BTLA: variants seen among roughly 807,000 people sequenced by gnomAD.
BTLA encodes B- and T-lymphocyte attenuator.
BTLA carries 11 observed loss-of-function variants against 25.0 expected under a neutral mutation model. The observed-to-expected ratio is 0.44, with a 90% confidence interval of 0.28 to 0.73. The LOEUF (loss-of-function observed/expected upper bound fraction) is 0.73, where lower values mean the gene tolerates loss of function less well. Ranked by LOEUF, BTLA falls within the 30% of genes least tolerant of loss-of-function variation. BTLA has a pLI of 0.15. For synonymous variants in BTLA, 104 were observed against 119.8 expected (o/e 0.87, Z 0.86); for missense variants, 282 against 332.8 (o/e 0.85, Z 1.19).
At chr3:112,469,132 C>T (rs948395135) in intron 4 of BTLA, among the ~76,000 whole-genome samples, 2 of 152,102 alleles carry the variant, frequency 1.3e-5, no homozygotes, top group Non-Finnish European at 2.9e-5. Flanking sequence ...CCACAACATT[C>T]AACTCAAAAG....
intron 1 of BTLA, among the ~76,000 whole-genome samples, chr3:112,487,644 G>C (rs16859654): frequency 0.03 from 4,531 of 152,032 alleles, 200 homozygotes; most frequent in African/African-American, 0.1. Context: ...AGACAATGGA[G>C]CCACTTGTTC....
chr3:112,470,198 C>T (rs2082254793), intron 3 of BTLA: 1 of 155,038 alleles, frequency 6.5e-6, no homozygotes, highest in Admixed American at 6.5e-5. Flanking sequence ...ATCCCTGACT[C>T]CTTTTCTGAA....
At chr3:112,469,625 A>AG in intron 4 of BTLA, 133 bp downstream of exon 4, 5 of 20,458 alleles carry the variant, frequency 2.4e-4, no homozygotes, top group East Asian at 1.7e-3. Context: ...ATATATATAT[A>AG]TATATATATA....
rs1033450737 is a variant in BTLA at position 112,466,226 on chromosome 3, T to C, written c.752A>G (p.Asn251Ser). 1.3e-5 allele frequency: 21 copies of C among 1,613,974 alleles called. No homozygotes were observed. Among genetic ancestry groups the C allele is most frequent in the Non-Finnish European group, 1.8e-5 (21 of 1,179,982 alleles). Residue 251 changes from asparagine (N) to serine (S), a missense_variant, in exon 5 of 5, where the codon AAC becomes AGC. By Grantham distance (46) the Asn-to-Ser change is conservative (BLOSUM62 1). This residue lies in a region of BTLA where 119 missense variants were observed against 102.3 expected (regional missense o/e 1.16). Transcript: ENST00000334529. ...EVYSNPCLEE[N>S]KPGIVYASLN... is the part of the protein sequence containing the mutation. ...GGAAGCATAAACAATGCCTGGTTTG[T>C]TTTCTTCCAGGCATGGATTAGAATA...
chr3:112,487,573 G>A (rs1055282346), intron 1 of BTLA, among the ~76,000 whole-genome samples: 8 of 147,766 alleles, frequency 5.4e-5, no homozygotes, highest in African/African-American at 2.1e-4. Flanking sequence ...CAACAAGAGC[G>A]AAAATCTGTG....
At chr3:112,483,785 T>C (rs1472104967) in intron 1 of BTLA, among the ~76,000 whole-genome samples, 1 of 151,876 alleles carries the variant, frequency 6.6e-6, no homozygotes, top group Non-Finnish European at 1.5e-5. Flanking sequence ...CTGACCAACA[T>C]GGTGAAACAC....
intron 4 of BTLA, among the ~76,000 whole-genome samples, chr3:112,468,718 T>A (rs1185953329): frequency 6.6e-6 from 1 of 152,176 alleles, no homozygotes; most frequent in Non-Finnish European, 1.5e-5. Flanking sequence ...ATTTTTATTA[T>A]TATTTACTAT....
At position 112,471,095 on chromosome 3, in the gene BTLA, C is replaced by G. The variant is rs2082259597; in HGVS notation, c.547+117G>C. 4.7e-6 allele frequency: 6 copies of G among 1,270,366 alleles called. No homozygotes were observed. The South Asian group carries it at 1.0e-4, about 21-fold the overall frequency. 78.7% of individuals were successfully genotyped at this position (1,270,366 alleles called of 1,614,324 possible). A position where few individuals can be genotyped will look rare whatever the true frequency, so the allele number is the denominator to read the frequency against. On this transcript the variant is annotated intron_variant, in intron 3 of 4. Coordinates refer to ENST00000334529, the MANE Select transcript of BTLA (RefSeq NM_181780.4). ...AGTTGTCTTCTAGGAAATCATTATCCATGGTTTACAGGATTGGGAAAGAAA... is the reference window on the plus strand; with the variant it reads ...AGTTGTCTTCTAGGAAATCATTATCGATGGTTTACAGGATTGGGAAAGAAA...
intron 1 of BTLA, among the ~76,000 whole-genome samples, chr3:112,498,997 A>G (rs2082426450): frequency 6.6e-6 from 1 of 152,212 alleles, no homozygotes; most frequent in African/African-American, 2.4e-5. Flanking sequence ...ACTATTTATA[A>G]CATCTACTCA....
At chr3:112,466,950 A>C (rs1375344353) in intron 4 of BTLA, among the ~76,000 whole-genome samples, 1 of 84,550 alleles carries the variant, frequency 1.2e-5, no homozygotes, top group Non-Finnish European at 2.6e-5. Context: ...TATCAAAAGA[A>C]AATTCTTCTT....
rs1442038961 is a variant in BTLA at position 112,464,159 on chromosome 3, G to A, written c.*1949C>T. The A allele has an allele frequency of 5.0e-6, 2 of 397,784 alleles. No homozygotes were observed. Among genetic ancestry groups the A allele is most frequent in the Admixed American group, 8.8e-5 (2 of 22,676 alleles). 24.6% of individuals were successfully genotyped at this position (397,784 alleles called of 1,614,324 possible). On this transcript the variant is annotated 3_prime_UTR_variant, in exon 5 of 5. Coordinates refer to ENST00000334529, the MANE Select transcript of BTLA (RefSeq NM_181780.4). Reference sequence around the variant, plus strand: ...GCATGTATGTCTCTGACACCATTTTGAAAAGGAATAAAAACATAAATGATT... The same window carrying A: ...GCATGTATGTCTCTGACACCATTTTAAAAAGGAATAAAAACATAAATGATT...
At chr3:112,480,524 G>A (rs908496388) in intron 1 of BTLA, among the ~76,000 whole-genome samples, 3 of 152,208 alleles carry the variant, frequency 2.0e-5, no homozygotes, top group African/African-American at 7.2e-5. Context: ...CAAGAGCATG[G>A]TGCCAGCATC....
rs1576674731 is a variant in BTLA at position 112,466,086 on chromosome 3, C to T, written c.*22G>A. On this transcript the variant is annotated 3_prime_UTR_variant, in exon 5 of 5. Transcript: ENST00000334529. Reference sequence around the variant, plus strand: ...TCAACATGCTGATCATTCAATGGTCCCTGTTGGAGTCAGAAACAGACTTAA... The same window carrying T: ...TCAACATGCTGATCATTCAATGGTCTCTGTTGGAGTCAGAAACAGACTTAA... 1 of 1,546,350 alleles carries T rather than the reference C, an allele frequency of 6.5e-7. No individual in the cohort carries two copies. The highest frequency in any genetic ancestry group is 1.8e-5 in the Admixed American group (1 of 54,790).
intron 1 of BTLA, among the ~76,000 whole-genome samples, chr3:112,492,900 A>G (rs910047292): frequency 4.6e-5 from 7 of 152,180 alleles, no homozygotes; most frequent in African/African-American, 1.7e-4. Context: ...AAAAGAAATT[A>G]AAGAGCTCTG....
At chr3:112,471,456 A>T (rs1196231028) in intron 2 of BTLA, 101 bp from the exon 3 acceptor site, 2 of 1,270,522 alleles carry the variant, frequency 1.6e-6, no homozygotes, top group Non-Finnish European at 2.2e-6. Flanking sequence ...AGGAGATTTC[A>T]GGCCAATGCC....
chr3:112,472,092 G>A (rs745876630), intron 2 of BTLA, among the ~76,000 whole-genome samples: 1 of 152,194 alleles, frequency 6.6e-6, no homozygotes, highest in Non-Finnish European at 1.5e-5. Context: ...GGGAACATGT[G>A]TGGCAATGTC....
intron 1 of BTLA, among the ~76,000 whole-genome samples, chr3:112,493,646 C>T (rs531936501): frequency 3.3e-4 from 50 of 152,280 alleles, no homozygotes; most frequent in Middle Eastern, 6.8e-3. Context: ...GTCTTACAGG[C>T]GTGTCCCACC....
chr3:112,469,887 T>C, intron 3 of BTLA, 83 bp from the exon 4 acceptor site: 1 of 1,097,674 alleles, frequency 9.1e-7, no homozygotes, highest in Non-Finnish European at 1.4e-6. Context: ...GCTTATCCTG[T>C]TGAATGCCAG....
Position 112,466,334 on chromosome 3 carries a change from T to C in BTLA, c.644A>G (p.Asn215Ser). 1 of 1,613,340 alleles carries C rather than the reference T, an allele frequency of 6.2e-7. No individual in the cohort carries two copies. The change falls in exon 5 of 5, where the codon AAT becomes AGT. Residue 215 changes from asparagine (N) to serine (S), a missense_variant. Transcript: ENST00000334529. ...AGTTTCTGATAGCAGTACTTGGGAA[T>C]TTTGCCTGGTGCTTGCTTCTGTTTG... ...SEQTEASTRQ[N>S]SQVLLSETGI...
Sources: allele counts gnomAD v4.1 joint callset (sites outside exome capture counted in the v4.1 genomes callset), GRCh38; gene constraint gnomAD v4.1.1; regional missense constraint gnomAD v4.1.1; transcripts MANE v1.5; gene names NCBI Gene and HGNC (gene_info 2026-07-23, HGNC 2026-07-21).